The following MANSC4 variants were observed in gnomAD, a reference collection of about 807,000 sequenced individuals.
MANSC4 encodes MANSC domain-containing protein 4.
Under a neutral mutation model 11.4 loss-of-function variants are expected in MANSC4, and 11 were observed. That is an observed-to-expected ratio of 0.97 (90% confidence interval 0.61 to 1.60). The LOEUF (loss-of-function observed/expected upper bound fraction) is 1.60, where lower values mean the gene tolerates loss of function less well. Among genes scored for constraint, MANSC4 ranks in the 40% most tolerant of loss-of-function variants. The probability of loss-of-function intolerance (pLI) is 0.00; values close to 1 mark genes in which losing one functional copy is unlikely to be tolerated. For synonymous variants in MANSC4, 123 were observed against 147.1 expected, an observed-to-expected ratio of 0.84 and a Z score of 1.19; for missense variants, 354 against 404.6, an observed-to-expected ratio of 0.88 and a Z score of 1.07.
At chr12:27,773,587 T>G (rs985199488) in intron 1 of MANSC4, among the ~76,000 whole-genome samples, 1 of 152,208 alleles carries the variant, frequency 6.6e-6, no homozygotes, top group Non-Finnish European at 1.5e-5. Context: ...CAAATGTGAT[T>G]TGTACTTTAA....
At chr12:27,769,667 A>G (rs181800039) in intron 2 of MANSC4, among the ~76,000 whole-genome samples, 143 of 152,346 alleles carry the variant, frequency 9.4e-4, no homozygotes, top group African/African-American at 3.2e-3. Flanking sequence ...CTCTTATTAA[A>G]TTAATTATTG....
At chr12:27,772,510 A>G (rs10842977) in intron 1 of MANSC4, among the ~76,000 whole-genome samples, 24,550 of 152,242 alleles carry the variant, frequency 0.16, 2,536 homozygotes, top group Non-Finnish European at 0.23. Context: ...AAACATGATA[A>G]TAATTGATAA....
intron 2 of MANSC4, among the ~76,000 whole-genome samples, chr12:27,769,918 T>C (rs2062092682): frequency 6.6e-6 from 1 of 152,220 alleles, no homozygotes; most frequent in Non-Finnish European, 1.5e-5. Flanking sequence ...TAGGCAATTA[T>C]AACTTGAAAT....
intron 1 of MANSC4, among the ~76,000 whole-genome samples, chr12:27,777,428 T>C (rs2062123221): frequency 6.6e-6 from 1 of 152,156 alleles, no homozygotes; most frequent in Admixed American, 6.5e-5. Context: ...AGGGGACGCA[T>C]CCCAGCAAAA....
intron 3 of MANSC4, 151 bp downstream of exon 3, chr12:27,766,514 G>T: frequency 1.3e-6 from 1 of 753,590 alleles, no homozygotes; most frequent in Non-Finnish European, 2.1e-6. Flanking sequence ...TCAGTTTTCT[G>T]TCCTAGATAT....
chr12:27,765,866 A>G (rs1305126833), intron 3 of MANSC4, among the ~76,000 whole-genome samples: 1 of 152,182 alleles, frequency 6.6e-6, no homozygotes, highest in Non-Finnish European at 1.5e-5. Flanking sequence ...GATTACATAA[A>G]TGGGCACGAA....
chr12:27,768,973 G>T (rs1295268472), intron 2 of MANSC4, among the ~76,000 whole-genome samples: 1 of 152,106 alleles, frequency 6.6e-6, no homozygotes, highest in Non-Finnish European at 1.5e-5. Context: ...CCAGCATCCG[G>T]TTACCAGACC....
intron 3 of MANSC4, among the ~76,000 whole-genome samples, chr12:27,766,381 T>C (rs568094596): frequency 6.6e-6 from 1 of 152,244 alleles, no homozygotes; most frequent in African/African-American, 2.4e-5. Flanking sequence ...ATGCTTCCTT[T>C]GGCTTTGCTA....
At chr12:27,773,375 T>G (rs1001504730) in intron 1 of MANSC4, among the ~76,000 whole-genome samples, 1 of 152,170 alleles carries the variant, frequency 6.6e-6, no homozygotes, top group Non-Finnish European at 1.5e-5. Context: ...GAAACTGGAA[T>G]GCAGAGGTAG....
chr12:27,772,795 T>A (rs897784536), intron 1 of MANSC4, among the ~76,000 whole-genome samples: 4 of 152,200 alleles, frequency 2.6e-5, no homozygotes, highest in Non-Finnish European at 2.9e-5. Flanking sequence ...AACAAAAAAT[T>A]ACTCTCGATA....
At chr12:27,767,578 C>T (rs528332331) in intron 2 of MANSC4, among the ~76,000 whole-genome samples, 1 of 152,198 alleles carries the variant, frequency 6.6e-6, no homozygotes, top group African/African-American at 2.4e-5. Context: ...TGGCGCATTC[C>T]TGTAATCCCA....
At chr12:27,778,474 A>C (rs961063998) in intron 1 of MANSC4, among the ~76,000 whole-genome samples, 4 of 152,064 alleles carry the variant, frequency 2.6e-5, no homozygotes, top group Middle Eastern at 6.8e-3. Context: ...GCATGGTAGG[A>C]TGTATCTTCT....
chr12:27,763,826 G>C (rs1482327463), intron 3 of MANSC4, among the ~76,000 whole-genome samples: 2 of 152,064 alleles, frequency 1.3e-5, no homozygotes, highest in East Asian at 3.8e-4. Flanking sequence ...TGCCTCCCAG[G>C]TTCAAACAAT....
chr12:27,771,148 G>A lies in MANSC4; in HGVS notation c.129C>T (p.Ile43=), dbSNP rs149746430. 9.0e-6 allele frequency: 14 copies of A among 1,551,812 alleles called. No homozygotes were observed. The Admixed American group carries it at 2.7e-4, about 30-fold the overall frequency. The change falls in exon 2 of 4, where the codon ATC becomes ATT. Residue 43 remains isoleucine, a synonymous_variant. Coordinates refer to ENST00000381273, the MANE Select transcript of MANSC4 (RefSeq NM_001146221.5). ...CWIRRFPGLL[I]NLEESQKLGA... ...CCAGCTTCTGAGACTCCTCCAGATT[G>A]ATTAGAAGACCTGGGAAGCGACGGA...
At chr12:27,766,981 A>G (rs2062075039) in intron 2 of MANSC4, among the ~76,000 whole-genome samples, 182 bp from the exon 3 acceptor site, 1 of 151,800 alleles carries the variant, frequency 6.6e-6, no homozygotes, top group Non-Finnish European at 1.5e-5. Context: ...TATGGAAAAT[A>G]CTTTTTTTTA....
Position 27,771,286 on chromosome 12 carries a change from A to T in MANSC4, c.-10T>A. 6.5e-7 allele frequency: 1 copy of T among 1,547,510 alleles called. No homozygotes were observed. The highest frequency in any genetic ancestry group is 1.4e-5 in the African/African-American group (1 of 73,004). On this transcript the variant is annotated 5_prime_UTR_variant, in exon 2 of 4. Coordinates refer to ENST00000381273, the MANE Select transcript of MANSC4 (RefSeq NM_001146221.5). ...CCTCTGCCACATGCATTTTTCCTGT[A>T]TGAAGGAAGACTCGAAGATAAGTCT...
intron 3 of MANSC4, among the ~76,000 whole-genome samples, chr12:27,765,797 C>G (rs994892032): frequency 6.6e-6 from 1 of 152,184 alleles, no homozygotes; most frequent in Non-Finnish European, 1.5e-5. Flanking sequence ...AGAAATTTAT[C>G]TCCTTTGCAT....
chr12:27,767,692 C>T (rs1180689916), intron 2 of MANSC4, among the ~76,000 whole-genome samples: 3 of 151,836 alleles, frequency 2.0e-5, no homozygotes, highest in Middle Eastern at 3.2e-3. Context: ...AGCGAAACTC[C>T]GTCTCAACAA....
At position 27,771,551 on chromosome 12, in the gene MANSC4, C is replaced by T. The variant is rs932673843; in HGVS notation, c.-275G>A. Among the ~76,000 whole-genome samples the T allele has an allele frequency of 2.6e-5, 4 of 152,208 alleles. No homozygotes were observed. Among genetic ancestry groups the T allele is most frequent in the South Asian group, 2.1e-4 (1 of 4,828 alleles). On this transcript the variant is annotated 5_prime_UTR_variant, in exon 2 of 4. Coordinates refer to ENST00000381273, the MANE Select transcript of MANSC4 (RefSeq NM_001146221.5). ...TACCCTGTCCCTTAGCATCTTAAGA[C>T]GTGCATTCTCTTTTCTGCTTTTCTT...
Sources: gnomAD v4.1 joint callset for allele counts (sites outside exome capture counted in the v4.1 genomes callset) on GRCh38, gnomAD v4.1.1 for gene constraint, MANE v1.5 for transcripts, NCBI Gene and HGNC (gene_info 2026-07-23, HGNC 2026-07-21) for gene names.